Variants in MACROD2 observed in about 807,000 individuals in gnomAD.
MACROD2 encodes ADP-ribose glycohydrolase MACROD2.
In MACROD2, 36 loss-of-function variants were observed where a neutral mutation model predicts 70.4. That is an observed-to-expected ratio of 0.51 (90% confidence interval 0.39 to 0.68). The LOEUF (loss-of-function observed/expected upper bound fraction) is 0.68, where lower values mean the gene tolerates loss of function less well. Ranked by LOEUF, MACROD2 falls within the 30% of genes least tolerant of loss-of-function variation. The pLI is 0.00. For synonymous variants in MACROD2, 172 were observed against 178.8 expected (o/e 0.96, Z 0.30); for missense variants, 496 against 538.4 (o/e 0.92, Z 0.78).
At chr20:14,531,024 T>A (rs1003908511) in intron 4 of MACROD2, among the ~76,000 whole-genome samples, 16 of 152,232 alleles carry the variant, frequency 1.1e-4, no homozygotes, top group African/African-American at 3.6e-4. Flanking sequence ...GTCCCAAGAA[T>A]ACAAAGCAAT....
intron 5 of MACROD2, among the ~76,000 whole-genome samples, chr20:14,788,658 C>T (rs561238152): frequency 2.6e-4 from 39 of 149,356 alleles, no homozygotes; most frequent in Admixed American, 4.0e-4. Context: ...GACTTAAAAA[C>T]CATATTAACA....
intron 5 of MACROD2, among the ~76,000 whole-genome samples, chr20:15,149,404 G>A (rs759245599): frequency 5.3e-5 from 8 of 151,954 alleles, no homozygotes; most frequent in African/African-American, 9.7e-5. Flanking sequence ...AGGAAAGAAG[G>A]AAATGTGGGG....
At chr20:14,121,317 C>T (rs911258810) in intron 3 of MACROD2, among the ~76,000 whole-genome samples, 2 of 152,140 alleles carry the variant, frequency 1.3e-5, no homozygotes, top group Admixed American at 6.6e-5. Context: ...GAGGAAATAA[C>T]GTACTCAAGG....
intron 3 of MACROD2, among the ~76,000 whole-genome samples, chr20:14,451,738 G>A (rs980153883): frequency 6.6e-6 from 1 of 152,160 alleles, no homozygotes; most frequent in Non-Finnish European, 1.5e-5. Context: ...GCAGTTGGAA[G>A]CAGGGCTGTG....
chr20:15,778,132 C>A (rs2051765036), intron 8 of MACROD2, among the ~76,000 whole-genome samples: 1 of 152,108 alleles, frequency 6.6e-6, no homozygotes, highest in South Asian at 2.1e-4. Context: ...AGGATAAAAA[C>A]CCTCAGGGAA....
At chr20:15,603,883 TA>T (rs796970239) in intron 8 of MACROD2, among the ~76,000 whole-genome samples, 4 of 151,818 alleles carry the variant, frequency 2.6e-5, no homozygotes, top group African/African-American at 4.8e-5. Flanking sequence ...TTAATTGTTT[TA>T]AAAAAATGTA....
intron 2 of MACROD2, among the ~76,000 whole-genome samples, chr20:14,084,995 G>C (rs1365589138): frequency 4.4e-5 from 6 of 134,942 alleles, no homozygotes; most frequent in Admixed American, 1.7e-4. Flanking sequence ...TGGCATGGTG[G>C]CTCATGCCTG....
chr20:14,403,815 A>C (rs6033956), intron 3 of MACROD2, among the ~76,000 whole-genome samples: 2,054 of 152,258 alleles, frequency 0.013, 51 homozygotes, highest in African/African-American at 0.047. Context: ...AGATCTCAAA[A>C]ATTCCTGTAG....
intron 10 of MACROD2, among the ~76,000 whole-genome samples, chr20:15,924,099 A>AT (rs2065453424): frequency 6.6e-6 from 1 of 152,212 alleles, no homozygotes; most frequent in African/African-American, 2.4e-5. Flanking sequence ...TATTGCTTTC[A>AT]TCCTGAACTT....
At chr20:15,573,783 C>T (rs376317459) in intron 8 of MACROD2, among the ~76,000 whole-genome samples, 8 of 152,132 alleles carry the variant, frequency 5.3e-5, no homozygotes, top group African/African-American at 1.9e-4. Context: ...TCCTCTCCTG[C>T]GCTTAGGGAA....
chr20:15,786,139 T>A (rs2051922370), intron 8 of MACROD2, among the ~76,000 whole-genome samples: 1 of 147,904 alleles, frequency 6.8e-6, no homozygotes, highest in African/African-American at 2.5e-5. Flanking sequence ...AGGAGATGAA[T>A]TTGAGAAAAT....
At chr20:15,643,906 G>A (rs140370107) in intron 8 of MACROD2, among the ~76,000 whole-genome samples, 3 of 152,260 alleles carry the variant, frequency 2.0e-5, no homozygotes, top group Non-Finnish European at 4.4e-5. Flanking sequence ...GTCTTAAGAT[G>A]GCCACTAGGG....
At chr20:15,669,380 T>C (rs2049947008) in intron 8 of MACROD2, among the ~76,000 whole-genome samples, 1 of 152,206 alleles carries the variant, frequency 6.6e-6, no homozygotes, top group Non-Finnish European at 1.5e-5. Flanking sequence ...AGGCTTTATT[T>C]CTAATGCTAA....
At chr20:14,555,415 C>G (rs1978962315) in intron 4 of MACROD2, among the ~76,000 whole-genome samples, 1 of 152,022 alleles carries the variant, frequency 6.6e-6, no homozygotes, top group South Asian at 2.1e-4. Flanking sequence ...ACTGTTTTGT[C>G]ATTGCCAACT....
intron 4 of MACROD2, among the ~76,000 whole-genome samples, chr20:14,535,009 G>A (rs1283318284): frequency 6.6e-6 from 1 of 152,200 alleles, no homozygotes; most frequent in Admixed American, 6.5e-5. Flanking sequence ...ACCAGAATAA[G>A]CTTGATAATG....
chr20:15,633,421 A>T (rs867864433), intron 8 of MACROD2, among the ~76,000 whole-genome samples: 8 of 152,222 alleles, frequency 5.3e-5, no homozygotes, highest in African/African-American at 1.9e-4. Context: ...GTGGGACTTC[A>T]TTAGTGTGAC....
intron 5 of MACROD2, among the ~76,000 whole-genome samples, chr20:15,029,496 A>G (rs2075258306): frequency 6.6e-6 from 1 of 152,172 alleles, no homozygotes; most frequent in African/African-American, 2.4e-5. Flanking sequence ...TTTCATATCT[A>G]ACAACTTTTC....
At chr20:15,678,352 C>A (rs1340557834) in intron 8 of MACROD2, among the ~76,000 whole-genome samples, 2 of 150,760 alleles carry the variant, frequency 1.3e-5, no homozygotes, top group South Asian at 4.2e-4. Context: ...GACAACAGAG[C>A]AAGGCCCCAT....
intron 5 of MACROD2, among the ~76,000 whole-genome samples, chr20:14,909,265 G>C (rs550037986): frequency 6.6e-6 from 1 of 152,174 alleles, no homozygotes; most frequent in South Asian, 2.1e-4. Context: ...ACTGGCAGAA[G>C]ATTACTTTCT....
Sources: gnomAD v4.1 joint callset for allele counts (sites outside exome capture counted in the v4.1 genomes callset) on GRCh38, gnomAD v4.1.1 for gene constraint, MANE v1.5 for transcripts, NCBI Gene and HGNC (gene_info 2026-07-23, HGNC 2026-07-21) for gene names.